CAMK2D: variants seen among roughly 807,000 people sequenced by gnomAD.
CAMK2D encodes the protein calcium/calmodulin dependent protein kinase II delta.
A neutral mutation model predicts 84.0 loss-of-function variants in CAMK2D; 37 were observed. The observed-to-expected ratio is 0.44, with a 90% CI of 0.34 to 0.58. The LOEUF (loss-of-function observed/expected upper bound fraction) is 0.58. Among genes scored for constraint, CAMK2D ranks in the 20% least tolerant of loss-of-function variants. CAMK2D has a pLI of 0.02. For synonymous variants in CAMK2D, 202 were observed against 212.5 expected (o/e 0.95, Z 0.43); for missense variants, 448 against 652.5 (o/e 0.69, Z 3.41).
chr4:113,751,965 C>T (rs1191486854), intron 2 of CAMK2D, among the ~76,000 whole-genome samples: 2 of 151,606 alleles, frequency 1.3e-5, no homozygotes, highest in African/African-American at 2.4e-5. Flanking sequence ...AAATAAAATA[C>T]AATTTACCTA....
At chr4:113,599,128 A>C (rs1462816878) in intron 4 of CAMK2D, among the ~76,000 whole-genome samples, 1 of 152,168 alleles carries the variant, frequency 6.6e-6, no homozygotes, top group Non-Finnish European at 1.5e-5. Context: ...ACACCTATTA[A>C]AAAGGCCAAT....
chr4:113,608,151 GACCAT>G (rs1166693170), intron 4 of CAMK2D, among the ~76,000 whole-genome samples: 1 of 152,166 alleles, frequency 6.6e-6, no homozygotes, highest in Non-Finnish European at 1.5e-5. Context: ...GTCAATTTCA[GACCAT>G]AGGGGAACTC....
intron 5 of CAMK2D, among the ~76,000 whole-genome samples, chr4:113,551,191 C>T (rs1396034679): frequency 6.6e-6 from 1 of 152,122 alleles, no homozygotes; most frequent in South Asian, 2.1e-4. Context: ...GGAAAATTTA[C>T]ACCATGCAAT....
chr4:113,698,141 T>TA (rs913990731), intron 2 of CAMK2D, among the ~76,000 whole-genome samples: 16 of 152,114 alleles, frequency 1.1e-4, no homozygotes, highest in African/African-American at 3.9e-4. Flanking sequence ...TATTTTATAA[T>TA]AAAGTACTGA....
chr4:113,568,501 C>T (rs1235926162), intron 4 of CAMK2D, among the ~76,000 whole-genome samples: 1 of 152,090 alleles, frequency 6.6e-6, no homozygotes, highest in Non-Finnish European at 1.5e-5. Context: ...GTGTTGTTTC[C>T]ACCTTTTGGC....
At chr4:113,550,807 G>A (rs1185678308) in intron 5 of CAMK2D, among the ~76,000 whole-genome samples, 2 of 152,144 alleles carry the variant, frequency 1.3e-5, no homozygotes, top group Non-Finnish European at 2.9e-5. Context: ...ACTCATCATA[G>A]TATAAATTAC....
chr4:113,638,159 T>C (rs544992973), intron 3 of CAMK2D, among the ~76,000 whole-genome samples: 28 of 152,288 alleles, frequency 1.8e-4, no homozygotes, highest in African/African-American at 6.3e-4. Flanking sequence ...TACCCATGCA[T>C]AATATGAAGA....
At position 113,707,036 on chromosome 4, in the gene CAMK2D, G is replaced by A. The variant is rs563647286; in HGVS notation, c.161-45264C>T. On this transcript the variant is annotated intron_variant, in intron 2 of 20. Transcript: ENST00000511664. Reference sequence around the variant, plus strand: ...AGCATACAAGGTAAAGGCTGGCCACGTGCGAGAATTGAAATGTAGCAGAAA... The same window carrying A: ...AGCATACAAGGTAAAGGCTGGCCACATGCGAGAATTGAAATGTAGCAGAAA... Among the ~76,000 whole-genome samples the A allele has an allele frequency of 1.2e-4, 19 of 152,090 alleles. No homozygotes were observed. The South Asian group carries it at 3.7e-3, about 30-fold the overall frequency.
At chr4:113,647,807 A>T (rs1405055390) in intron 3 of CAMK2D, among the ~76,000 whole-genome samples, 1 of 152,246 alleles carries the variant, frequency 6.6e-6, no homozygotes, top group Non-Finnish European at 1.5e-5. Flanking sequence ...AAATGACCAG[A>T]AGATGTAATT....
At chr4:113,508,333 C>A in intron 13 of CAMK2D, 2 of 1,148,320 alleles carry the variant, frequency 1.7e-6, no homozygotes, top group South Asian at 1.3e-5. Flanking sequence ...TTTAGAGTAT[C>A]AAAGCATGGA....
rs2097273010 is a variant in CAMK2D, at chr4:113,453,625, T to A, written c.*920A>T. On this transcript the variant is annotated 3_prime_UTR_variant, in exon 21 of 21. Transcript: ENST00000511664. Reference sequence around the variant, plus strand: ...TAGCTACCTTCAAAAGACTTTTATTTCCCTTTTACATTCATTATGCAAATT... The same window carrying A: ...TAGCTACCTTCAAAAGACTTTTATTACCCTTTTACATTCATTATGCAAATT... The A allele has an allele frequency of 6.6e-6, 1 of 152,198 alleles. No individual in the cohort carries two copies. The highest frequency in any genetic ancestry group is 6.5e-5 in the Admixed American group (1 of 15,274). The allele number at this position is 152,198 out of a possible 1,614,324, so 9.4% of individuals were successfully genotyped here. A position where few individuals can be genotyped will look rare whatever the true frequency, so the allele number is the denominator to read the frequency against.
chr4:113,715,976 CGGAGACTGAAGTCACT>C (rs1032703996), intron 2 of CAMK2D, among the ~76,000 whole-genome samples: 153 of 152,230 alleles, frequency 1.0e-3, no homozygotes, highest in African/African-American at 3.7e-3. Flanking sequence ...GCCACATCAC[CGGAGACTGAAGTCACT>C]GAAGAATTTG....
intron 16 of CAMK2D, among the ~76,000 whole-genome samples, chr4:113,486,552 A>G (rs1032613547): frequency 3.9e-5 from 6 of 152,208 alleles, no homozygotes; most frequent in Middle Eastern, 3.2e-3. Flanking sequence ...CATTACATCT[A>G]TCCAATACAT....
intron 2 of CAMK2D, among the ~76,000 whole-genome samples, chr4:113,682,073 C>A (rs1561805304): frequency 6.6e-6 from 1 of 152,054 alleles, no homozygotes; most frequent in Non-Finnish European, 1.5e-5. Flanking sequence ...AATTGCTAAG[C>A]TTAATTTTCC....
At position 113,567,000 on chromosome 4, in the gene CAMK2D, T is replaced by C. The variant is rs562634729; in HGVS notation, c.276-14904A>G. 7.2e-5 allele frequency among the ~76,000 whole-genome samples: 11 copies of C among 152,156 alleles called. No homozygotes were observed. The South Asian group carries it at 1.9e-3, about 26-fold the overall frequency. On this transcript the variant is annotated intron_variant, in intron 4 of 20. Transcript: ENST00000511664. Reference sequence around the variant, plus strand: ...TCCAGGACTTGGCAGAGTATATGCATATAGCAGGCATGCAATAAACGTCTA... The same window carrying C: ...TCCAGGACTTGGCAGAGTATATGCACATAGCAGGCATGCAATAAACGTCTA...
At position 113,552,026 on chromosome 4, in the gene CAMK2D, C is replaced by T. The variant is rs561207659; in HGVS notation, c.341+5G>A. The T allele has an allele frequency of 2.6e-6, 4 of 1,512,542 alleles. No homozygotes were observed. Among genetic ancestry groups the T allele is most frequent in the Non-Finnish European group, 3.6e-6 (4 of 1,097,940 alleles). The allele number at this position is 1,512,542 out of a possible 1,614,324, so 93.7% of individuals were successfully genotyped here. A position where few individuals can be genotyped will look rare whatever the true frequency, so the allele number is the denominator to read the frequency against. ...CTTGTATCTTGCCCAGGGCAAGTCA[C>T]TTACCTGGCATCAGCTTCACTGTAG... On this transcript the variant is annotated splice_donor_5th_base_variant and intron_variant, in intron 5 of 20. Coordinates refer to ENST00000511664, the MANE Select transcript of CAMK2D (RefSeq NM_001321571.2).
At chr4:113,705,632 T>C (rs925306108) in intron 2 of CAMK2D, among the ~76,000 whole-genome samples, 9 of 152,190 alleles carry the variant, frequency 5.9e-5, no homozygotes, top group Non-Finnish European at 1.2e-4. Flanking sequence ...AAATGTACAA[T>C]TGTTACAAAA....
chr4:113,693,777 G>C (rs1288505302), intron 2 of CAMK2D, among the ~76,000 whole-genome samples: 1 of 152,052 alleles, frequency 6.6e-6, no homozygotes, highest in Non-Finnish European at 1.5e-5. Context: ...GCTTTCATTT[G>C]TCTAGATTAA....
chr4:113,639,080 C>CAAAA (rs779226375), intron 3 of CAMK2D, among the ~76,000 whole-genome samples: 2 of 127,332 alleles, frequency 1.6e-5, no homozygotes, highest in African/African-American at 2.8e-5. Context: ...TTGCCTCTAC[C>CAAAA]AAAAAAAAAA....
Sources: gnomAD v4.1 joint callset for allele counts (sites outside exome capture counted in the v4.1 genomes callset) on GRCh38, gnomAD v4.1.1 for gene constraint, MANE v1.5 for transcripts, NCBI Gene and HGNC (gene_info 2026-07-23, HGNC 2026-07-21) for gene names.